The following FDFT1 variants were observed in gnomAD, a reference collection of about 807,000 sequenced individuals.
FDFT1 encodes the protein squalene synthase.
Under a neutral mutation model 46.8 loss-of-function variants are expected in FDFT1, and 68 were observed. That is an observed-to-expected ratio of 1.45 (90% CI 1.19 to 1.78). The LOEUF (loss-of-function observed/expected upper bound fraction) is 1.78. FDFT1 is among the 40% of genes most tolerant of loss of function. The probability of loss-of-function intolerance (pLI) is 0.00; values close to 1 mark genes in which losing one functional copy is unlikely to be tolerated. For missense variants in FDFT1, 928 were observed against 524.4 expected, an observed-to-expected ratio of 1.77 and a Z score of -7.52; for synonymous variants, 351 against 185.1, an observed-to-expected ratio of 1.90 and a Z score of -7.28.
In FDFT1 at chr8:11,838,383, A is replaced by G. The variant is rs1485300693; in HGVS notation, c.1033-5A>G. On this transcript the variant is annotated splice_region_variant and splice_polypyrimidine_tract_variant and intron_variant, in intron 7 of 7. Coordinates refer to ENST00000220584, the MANE Select transcript of FDFT1 (RefSeq NM_004462.5). ...ACTTATCATTTTTTCCTGTGTCTTT[A>G]ACAGATTTATCATAGAATCCCCGAC... is the stretch of plus-strand genomic sequence containing the variant. 6.2e-7 allele frequency: 1 copy of G among 1,610,472 alleles called. No individual in the cohort carries two copies. The highest frequency in any genetic ancestry group is 1.3e-5 in the African/African-American group (1 of 74,978).
upstream of FDFT1, among the ~76,000 whole-genome samples, chr8:11,799,624 G>A (rs963855917): frequency 3.4e-4 from 51 of 152,220 alleles, no homozygotes; most frequent in African/African-American, 1.2e-3. Context: ...CCCGTTATTT[G>A]AAATGCTTTT....
chr8:11,812,613 G>A (rs1807883057), intron 3 of FDFT1, among the ~76,000 whole-genome samples: 1 of 152,182 alleles, frequency 6.6e-6, no homozygotes, highest in African/African-American at 2.4e-5. Flanking sequence ...CAGTGCAGGA[G>A]GATACAATAT....
rs761055565 is a variant in FDFT1 at position 11,826,137 on chromosome 8, C to T, written c.624C>T (p.Gly208=). The T allele has an allele frequency of 8.1e-6, 13 of 1,608,608 alleles. No individual in the cohort carries two copies. The highest frequency in any genetic ancestry group is 7.7e-5 in the South Asian group (7 of 90,656). ...GEDTERANSM[G]LFLQKTNIIR... is the part of the protein sequence containing the mutation. ...ATACAGAACGTGCCAACTCTATGGGCCTGTTTTTGCAGAAAACAAACATCA... is the reference window on the plus strand; with the variant it reads ...ATACAGAACGTGCCAACTCTATGGGTCTGTTTTTGCAGAAAACAAACATCA... Residue 208 remains glycine, a synonymous_variant, in exon 5 of 8, where the codon GGC becomes GGT. Coordinates refer to ENST00000220584, the MANE Select transcript of FDFT1 (RefSeq NM_004462.5).
intron 1 of FDFT1, among the ~76,000 whole-genome samples, chr8:11,807,233 G>A (rs983525719): frequency 6.6e-6 from 1 of 152,088 alleles, no homozygotes; most frequent in Non-Finnish European, 1.5e-5. Flanking sequence ...TATCTCCTGG[G>A]CTCAAGCGAT....
intron 2 of FDFT1, 116 bp from the exon 3 acceptor site, chr8:11,809,551 G>A: frequency 7.7e-7 from 1 of 1,305,478 alleles, no homozygotes; most frequent in South Asian, 1.7e-5. Flanking sequence ...TATCCTTATA[G>A]TTCTTTAGAG....
chr8:11,804,536 C>G (rs772221358), intron 1 of FDFT1, among the ~76,000 whole-genome samples: 4 of 151,252 alleles, frequency 2.6e-5, no homozygotes, highest in Non-Finnish European at 5.9e-5. Context: ...ATACCTGAAC[C>G]TTTAATTAGG....
chr8:11,837,826 G>C (rs1421783585), intron 7 of FDFT1, among the ~76,000 whole-genome samples: 1 of 152,138 alleles, frequency 6.6e-6, no homozygotes, highest in African/African-American at 2.4e-5. Flanking sequence ...TAATTTTAGG[G>C]ATGTAGGGGA....
At position 11,838,515 on chromosome 8, in the gene FDFT1, T is replaced by A; in HGVS notation, c.1160T>A (p.Leu387Gln). 6.2e-7 allele frequency: 1 copy of A among 1,608,502 alleles called. No homozygotes were observed. Among genetic ancestry groups the A allele is most frequent in the Non-Finnish European group, 8.5e-7 (1 of 1,176,860 alleles). Residue 387 changes from leucine to glutamine, a missense_variant, in exon 8 of 8, where the codon CTG (leucine) becomes CAG (glutamine). Leu to Gln is a moderately radical substitution (Grantham distance 113, BLOSUM62 -2). Transcript: ENST00000220584. ...CGAAGCCACTACTCCCCCATCTACCTGTCGTTTGTCATGCTTTTGGCTGCC... is the reference window on the plus strand; with the variant it reads ...CGAAGCCACTACTCCCCCATCTACCAGTCGTTTGTCATGCTTTTGGCTGCC... ...ISRSHYSPIYLSFVMLLAALS... is the reference protein window; with the variant it reads ...ISRSHYSPIYQSFVMLLAALS...
Position 11,838,759 on chromosome 8 carries a change from A to G in FDFT1, c.*150A>G, listed in dbSNP as rs1039293633. The G allele has an allele frequency of 1.2e-5, 8 of 670,748 alleles. No homozygotes were observed. The highest frequency in any genetic ancestry group is 9.0e-5 in the African/African-American group (5 of 55,406). 41.5% of individuals were successfully genotyped at this position (670,748 alleles called of 1,614,324 possible). On this transcript the variant is annotated 3_prime_UTR_variant, in exon 8 of 8. Transcript: ENST00000220584. ...TGGGACCTTTAGGAAAGTGAAATGC[A>G]GGTGAGAAGAACCTAAACATGAAAG...
At chr8:11,823,250 T>C (rs1483301672) in intron 4 of FDFT1, among the ~76,000 whole-genome samples, 1 of 152,204 alleles carries the variant, frequency 6.6e-6, no homozygotes, top group Non-Finnish European at 1.5e-5. Context: ...CAGCCAATTA[T>C]TTCAAGGAGT....
At chr8:11,817,867 C>G (rs867749219) in intron 3 of FDFT1, among the ~76,000 whole-genome samples, 4 of 149,568 alleles carry the variant, frequency 2.7e-5, no homozygotes, top group African/African-American at 9.9e-5. Flanking sequence ...TCTTTCAGTT[C>G]TGCTCTGATC....
chr8:11,803,422 T>C (rs868582048), intron 1 of FDFT1: 28 of 1,288,394 alleles, frequency 2.2e-5, no homozygotes, highest in African/African-American at 1.2e-4. Context: ...CATCGCTTCA[T>C]CCTCGGTGCT....
chr8:11,825,257 C>A (rs1168219579), intron 4 of FDFT1, among the ~76,000 whole-genome samples: 2 of 151,998 alleles, frequency 1.3e-5, no homozygotes, highest in Admixed American at 1.3e-4. Flanking sequence ...TATTGTAAAG[C>A]TAGGGCGGGC....
chr8:11,809,223 A>T (rs190833980), intron 2 of FDFT1: 2 of 1,175,498 alleles, frequency 1.7e-6, no homozygotes, highest in East Asian at 5.0e-5. Flanking sequence ...TATTTCTAGC[A>T]TATTGGGTTG....
chr8:11,809,514 C>T (rs1224815758), intron 2 of FDFT1, 153 bp from the exon 3 acceptor site: 4 of 1,316,456 alleles, frequency 3.0e-6, no homozygotes, highest in African/African-American at 1.5e-5. Context: ...ACTAATGTAA[C>T]TTTCGTTAAG....
At chr8:11,806,762 CTG>C (rs1279087573) in intron 1 of FDFT1, among the ~76,000 whole-genome samples, 1 of 152,144 alleles carries the variant, frequency 6.6e-6, no homozygotes, top group Non-Finnish European at 1.5e-5. Flanking sequence ...TTCTTTCACT[CTG>C]AAATCCTGCC....
intron 5 of FDFT1, among the ~76,000 whole-genome samples, chr8:11,829,421 G>T (rs1167872302): frequency 6.6e-6 from 1 of 152,158 alleles, no homozygotes; most frequent in Admixed American, 6.5e-5. Context: ...CAGGATCCAG[G>T]GAGGTGTAAT....
intron 5 of FDFT1, among the ~76,000 whole-genome samples, chr8:11,828,132 T>C (rs999178914): frequency 5.3e-5 from 8 of 151,166 alleles, no homozygotes; most frequent in African/African-American, 1.9e-4. Flanking sequence ...AAAAAAAAAA[T>C]CAAAAATTAG....
chr8:11,811,373 A>G (rs1474118452), intron 3 of FDFT1, among the ~76,000 whole-genome samples: 3 of 152,224 alleles, frequency 2.0e-5, no homozygotes, highest in African/African-American at 7.2e-5. Context: ...GAAACAGCCA[A>G]ATTACATTTG....
Sources: allele counts gnomAD v4.1 joint callset (sites outside exome capture counted in the v4.1 genomes callset), GRCh38; gene constraint gnomAD v4.1.1; transcripts MANE v1.5; gene names NCBI Gene and HGNC (gene_info 2026-07-23, HGNC 2026-07-21).